The following TMEM120B variants were observed in gnomAD, a reference collection of about 807,000 sequenced individuals.
TMEM120B encodes transmembrane protein 120B.
Under a neutral mutation model 55.5 loss-of-function variants are expected in TMEM120B, and 31 were observed. The observed-to-expected ratio is 0.56, with a 90% CI of 0.42 to 0.75. TMEM120B has a LOEUF of 0.75. Ranked by LOEUF, TMEM120B falls within the 30% of genes least tolerant of loss-of-function variation. The pLI, the probability that TMEM120B is intolerant of heterozygous loss-of-function variation, is 0.00. For missense variants in TMEM120B, 399 were observed against 425.5 expected, an observed-to-expected ratio of 0.94 and a Z score of 0.55; for synonymous variants, 203 against 176.3, an observed-to-expected ratio of 1.15 and a Z score of -1.20.
intron 1 of TMEM120B, among the ~76,000 whole-genome samples, chr12:121,736,354 G>C (rs2137081204): frequency 6.8e-6 from 1 of 146,604 alleles, no homozygotes. Flanking sequence ...ATTTTTAGTA[G>C]AGACGGGGTT....
At position 121,779,145 on chromosome 12, in the gene TMEM120B, A is replaced by T. The variant is rs553786705; in HGVS notation, c.*3423A>T. 25 of 261,988 alleles carry T rather than the reference A, an allele frequency of 9.5e-5. 1 individual carries two copies. The highest frequency in any genetic ancestry group is 5.0e-4 in the African/African-American group (23 of 46,302). 16.2% of individuals were successfully genotyped at this position (261,988 alleles called of 1,614,324 possible). On this transcript the variant is annotated 3_prime_UTR_variant, in exon 12 of 12. Coordinates refer to ENST00000449592, the MANE Select transcript of TMEM120B (RefSeq NM_001080825.2). ...TGGGGCGCCCGCGTGGAACAGTGCCAGGTCTACGTTTACCCACTACCAGAT... is the reference window on the plus strand; with the variant it reads ...TGGGGCGCCCGCGTGGAACAGTGCCTGGTCTACGTTTACCCACTACCAGAT...
rs771618971 is a variant in TMEM120B at position 121,779,647 on chromosome 12, C to T, written c.*3925C>T. The T allele has an allele frequency of 9.3e-6, 15 of 1,613,964 alleles. No homozygotes were observed. The highest frequency in any genetic ancestry group is 1.6e-4 in the Middle Eastern group (1 of 6,062). ...AGGTAGAGAGCAGCTCGGATCTGTT[C>T]GCAGGCGCTCAGGCCCTGGGTGGGG... On this transcript the variant is annotated 3_prime_UTR_variant, in exon 12 of 12. Coordinates refer to ENST00000449592, the MANE Select transcript of TMEM120B (RefSeq NM_001080825.2).
chr12:121,740,841 C>T (rs532864079), intron 1 of TMEM120B, among the ~76,000 whole-genome samples: 125 of 152,234 alleles, frequency 8.2e-4, no homozygotes, highest in Non-Finnish European at 1.4e-3. Flanking sequence ...CTGCAACTGA[C>T]TCCCAAATGG....
chr12:121,768,330 T>C (rs771869954), intron 6 of TMEM120B, among the ~76,000 whole-genome samples: 27 of 152,154 alleles, frequency 1.8e-4, no homozygotes, highest in Non-Finnish European at 3.2e-4. Flanking sequence ...CCTGGTGCTG[T>C]TAGTGCTGTG....
intron 6 of TMEM120B, among the ~76,000 whole-genome samples, chr12:121,767,718 G>A (rs570669116): frequency 6.6e-6 from 1 of 152,330 alleles, no homozygotes; most frequent in African/African-American, 2.4e-5. Flanking sequence ...TGTGCAGATG[G>A]ACGCCTGGGC....
intron 9 of TMEM120B, among the ~76,000 whole-genome samples, chr12:121,773,951 C>CTTTTTTTTT (rs560321014): frequency 2.1e-5 from 2 of 96,608 alleles, no homozygotes; most frequent in Non-Finnish European, 3.9e-5. Flanking sequence ...ACTCTGCTAT[C>CTTTTTTTTT]TTTTTTTTTT....
chr12:121,735,393 A>G (rs1009014438), intron 1 of TMEM120B, among the ~76,000 whole-genome samples: 1 of 149,402 alleles, frequency 6.7e-6, no homozygotes, highest in East Asian at 2.0e-4. Flanking sequence ...AATAAATACC[A>G]TATTACCAGA....
At chr12:121,715,350 A>G (rs1894680918) in intron 1 of TMEM120B, among the ~76,000 whole-genome samples, 1 of 152,208 alleles carries the variant, frequency 6.6e-6, no homozygotes, top group Non-Finnish European at 1.5e-5. Flanking sequence ...AAACAAAACA[A>G]AAAACAGCAA....
intron 1 of TMEM120B, among the ~76,000 whole-genome samples, chr12:121,734,757 A>T (rs991448106): frequency 1.3e-5 from 2 of 152,072 alleles, no homozygotes; most frequent in Admixed American, 1.3e-4. Context: ...TACTAAAAAT[A>T]CAAAAATTAG....
intron 9 of TMEM120B, 82 bp from the exon 10 acceptor site, chr12:121,774,576 G>A: frequency 7.3e-7 from 1 of 1,375,834 alleles, no homozygotes; most frequent in Non-Finnish European, 1.0e-6. Context: ...GGTGACTGGT[G>A]TGGCTGGGGG....
intron 1 of TMEM120B, among the ~76,000 whole-genome samples, chr12:121,727,849 G>A (rs1894925140): frequency 6.9e-6 from 1 of 145,858 alleles, no homozygotes; most frequent in South Asian, 2.2e-4. Flanking sequence ...ACTCCAGCCT[G>A]GGCGACAGAG....
Position 121,780,935 on chromosome 12 carries a change from C to G in TMEM120B, c.*5213C>G. On this transcript the variant is annotated 3_prime_UTR_variant, in exon 12 of 12. Transcript: ENST00000449592. ...GCTTCCGCAGCTGCTCCTTGTCCTT[C>G]CTCAGGTCTGTCTTGCAGCCGATGA... 1 of 1,614,052 alleles carries G rather than the reference C, an allele frequency of 6.2e-7. No individual in the cohort carries two copies. The highest frequency in any genetic ancestry group is 8.5e-7 in the Non-Finnish European group (1 of 1,179,982).
chr12:121,713,422 AGGTGT>A (rs1012737413), intron 1 of TMEM120B, among the ~76,000 whole-genome samples: 2 of 151,842 alleles, frequency 1.3e-5, no homozygotes, highest in Non-Finnish European at 2.9e-5. Context: ...CTGTTTTGGG[AGGTGT>A]ACTTAAGAGC....
intron 5 of TMEM120B, among the ~76,000 whole-genome samples, chr12:121,756,279 C>T (rs992818726): frequency 6.6e-6 from 1 of 152,146 alleles, no homozygotes; most frequent in Non-Finnish European, 1.5e-5. Context: ...TGGAGGATCG[C>T]TTGAGCCCAG....
intron 6 of TMEM120B, among the ~76,000 whole-genome samples, chr12:121,766,266 AG>A (rs1170495347): frequency 5.3e-5 from 8 of 152,070 alleles, no homozygotes; most frequent in Non-Finnish European, 1.0e-4. Context: ...GTGCCTGCCA[AG>A]TGAGATGCCA....
At chr12:121,743,606 C>T (rs768461777) in intron 1 of TMEM120B, 23 bp from the exon 2 acceptor site, 7 of 1,587,160 alleles carry the variant, frequency 4.4e-6, no homozygotes, top group African/African-American at 2.7e-5. Context: ...CACACACCCT[C>T]CCCCGGGTCC....
chr12:121,753,431 C>T (rs373777813), intron 5 of TMEM120B, among the ~76,000 whole-genome samples: 1 of 151,852 alleles, frequency 6.6e-6, no homozygotes, highest in Non-Finnish European at 1.5e-5. Flanking sequence ...ATTAGCCAGG[C>T]GTGGTGGTGG....
At chr12:121,758,121 A>G in intron 5 of TMEM120B, 2 of 983,146 alleles carry the variant, frequency 2.0e-6, no homozygotes, top group Non-Finnish European at 2.4e-6. Flanking sequence ...AAAATTGCCA[A>G]AGACAGAGCC....
At chr12:121,752,402 C>T (rs936104095) in intron 5 of TMEM120B, among the ~76,000 whole-genome samples, 179 bp downstream of exon 5, 1 of 152,146 alleles carries the variant, frequency 6.6e-6, no homozygotes, top group African/African-American at 2.4e-5. Context: ...GCCCCACCTC[C>T]ATCCAACAAG....
Sources: allele counts gnomAD v4.1 joint callset (sites outside exome capture counted in the v4.1 genomes callset), GRCh38; gene constraint gnomAD v4.1.1; transcripts MANE v1.5; gene names NCBI Gene and HGNC (gene_info 2026-07-23, HGNC 2026-07-21).